MED23: variants seen among roughly 807,000 people sequenced by gnomAD.
MED23 encodes mediator complex subunit 23.
A neutral mutation model predicts 163.9 loss-of-function variants in MED23; 105 were observed. The ratio of observed to expected loss-of-function variants is 0.64; its 90% CI spans 0.55 to 0.75. MED23 has a LOEUF of 0.75. MED23 is among the 30% of genes least tolerant of loss of function. The pLI, the probability that MED23 is intolerant of heterozygous loss-of-function variation, is 0.00. For synonymous variants in MED23, 561 were observed against 565.6 expected (o/e 0.99, Z 0.12); for missense variants, 1,054 against 1,649.0 (o/e 0.64, Z 6.25).
At position 131,627,675 on chromosome 6, in the gene MED23, G is replaced by GC. The variant is rs1777611961; in HGVS notation, c.40-4_40-3insG. 7.3e-7 allele frequency: 1 copy of GC among 1,377,084 alleles called. No individual in the cohort carries two copies. The highest frequency in any genetic ancestry group is 2.1e-5 in the Admixed American group (1 of 46,796). 85.3% of individuals were successfully genotyped at this position (1,377,084 alleles called of 1,614,324 possible). On this transcript the variant is annotated splice_region_variant and splice_polypyrimidine_tract_variant and intron_variant, in intron 1 of 28. Transcript: ENST00000368068. ...GCCTCTTCTATAACTTCCGTTTTCT[G>GC]TAAAAAAAAAAAAAACAAAATGTAA...
At position 131,619,888 on chromosome 6, in the gene MED23, T is replaced by C; in HGVS notation, c.606A>G (p.Gly202=). The C allele has an allele frequency of 6.2e-7, 1 of 1,608,494 alleles. No homozygotes were observed. The highest frequency in any genetic ancestry group is 8.5e-7 in the Non-Finnish European group (1 of 1,175,556). The part of the protein sequence containing the change: ...PEGKLPHWLL[G]NLVSDFVDTF... ...TATCCACAAAGTCTGATACTAGGTT[T>C]CCAAGTAACTAAAGAGAGAAAGAAA... The change falls in exon 8 of 29, where the codon GGA becomes GGG. Residue 202 remains glycine (G), a synonymous_variant. Transcript: ENST00000368068.
intron 5 of MED23, among the ~76,000 whole-genome samples, chr6:131,622,831 A>G (rs1035217192): frequency 6.6e-6 from 1 of 152,226 alleles, no homozygotes; most frequent in African/African-American, 2.4e-5. Context: ...GACAATAACA[A>G]AAGTCTCCTG....
At chr6:131,622,353 G>C (rs1008695103) in intron 5 of MED23, among the ~76,000 whole-genome samples, 3 of 152,128 alleles carry the variant, frequency 2.0e-5, no homozygotes, top group Non-Finnish European at 4.4e-5. Context: ...CAAACTTTTT[G>C]GTAGAGGACT....
intron 22 of MED23, 128 bp downstream of exon 22, chr6:131,595,819 T>C (rs1309523292): frequency 5.5e-6 from 4 of 723,512 alleles, no homozygotes; most frequent in Middle Eastern, 3.8e-4. Flanking sequence ...ATAGTACTTA[T>C]CCTCAAAACA....
intron 10 of MED23, among the ~76,000 whole-genome samples, chr6:131,611,279 A>C (rs1776260036): frequency 6.6e-6 from 1 of 152,198 alleles, no homozygotes; most frequent in African/African-American, 2.4e-5. Context: ...CATAATGAAT[A>C]GCATCCCCTC....
chr6:131,583,058 A>G (rs2114547605), downstream of MED23: 1 of 1,605,090 alleles, frequency 6.2e-7, no homozygotes. Flanking sequence ...TCTCTTTTAT[A>G]GCTACATTTT....
chr6:131,618,411 T>G lies in MED23; in HGVS notation c.776A>C (p.Asp259Ala), dbSNP rs750599954. 7.5e-6 allele frequency: 12 copies of G among 1,609,216 alleles called. No homozygotes were observed. In the African/African-American group the frequency reaches 1.3e-4, roughly 18 times the overall value. Residue 259 changes from aspartate to alanine, a missense_variant, in exon 9 of 29, where the codon GAT (aspartate) becomes GCT (alanine). By Grantham distance (126) the Asp-to-Ala change is moderately radical (BLOSUM62 -2). This residue lies in a region of MED23 where 54 missense variants were observed against 79.7 expected (regional missense o/e 0.68). Coordinates refer to ENST00000368068, the MANE Select transcript of MED23 (RefSeq NM_004830.4). ...CCATTATATTTAGCAACATACCTTA[T>G]CATATGGCAAAAGGCCTTTCAAAGG... ...RFPLKGLLPY[D>A]KDLFEPQTAL...
chr6:131,622,055 G>T, intron 5 of MED23, 76 bp from the exon 6 acceptor site: 1 of 1,028,562 alleles, frequency 9.7e-7, no homozygotes, highest in Non-Finnish European at 1.5e-6. Flanking sequence ...AAGGTTTCAG[G>T]GTGATATATT....
At chr6:131,619,954 C>T (rs1358210306) in intron 7 of MED23, 58 bp from the exon 8 acceptor site, 3 of 1,029,988 alleles carry the variant, frequency 2.9e-6, no homozygotes, top group Non-Finnish European at 4.6e-6. Flanking sequence ...AAAATTGAGA[C>T]TGCCCCTGAA....
At position 131,620,688 on chromosome 6, in the gene MED23, T is replaced by G. The variant is rs779648930; in HGVS notation, c.537A>C (p.Pro179=). 5.6e-6 allele frequency: 9 copies of G among 1,613,554 alleles called. No homozygotes were observed. The highest frequency in any genetic ancestry group is 7.6e-6 in the Non-Finnish European group (9 of 1,179,722). Residue 179 remains proline, a synonymous_variant, in exon 7 of 29, where the codon CCA becomes CCC. Coordinates refer to ENST00000368068, the MANE Select transcript of MED23 (RefSeq NM_004830.4). ...YILERNACLL[P]AYFAVTEIRK... is the part of the protein sequence containing the mutation. Reference sequence around the variant, plus strand: ...TGATCTCAGTGACTGCAAAATAGGCTGGTAATAAGCAGGCATTTCTTTCCA... The same window carrying G: ...TGATCTCAGTGACTGCAAAATAGGCGGGTAATAAGCAGGCATTTCTTTCCA...
chr6:131,598,855 C>A lies in MED23; in HGVS notation c.2221-94G>T. The A allele has an allele frequency of 8.5e-7, 1 of 1,181,742 alleles. No homozygotes were observed. The highest frequency in any genetic ancestry group is 1.3e-5 in the South Asian group (1 of 78,784). The allele number at this position is 1,181,742 out of a possible 1,614,324, so 73.2% of individuals were successfully genotyped here. Reference sequence around the variant, plus strand: ...ACCAGTTCTAGACTTGATTCTGACACTAATAAACTCTAGGTCACCTTGAGC... The same window carrying A: ...ACCAGTTCTAGACTTGATTCTGACAATAATAAACTCTAGGTCACCTTGAGC... On this transcript the variant is annotated intron_variant, in intron 18 of 28. Coordinates refer to ENST00000368068, the MANE Select transcript of MED23 (RefSeq NM_004830.4). This position sits in a 1 kb window ranked among gnomAD's most constrained non-coding sequence, Gnocchi z 4.7.
chr6:131,627,765 A>T (rs1312764232), intron 1 of MED23, 93 bp from the exon 2 acceptor site: 1 of 1,231,172 alleles, frequency 8.1e-7, no homozygotes, highest in Non-Finnish European at 1.2e-6. Flanking sequence ...AGGGCAAGTC[A>T]CCTTAATCAG....
downstream of MED23, chr6:131,583,115 C>G (rs896852725): frequency 1.2e-6 from 2 of 1,613,922 alleles, no homozygotes; most frequent in Non-Finnish European, 1.7e-6. Flanking sequence ...AGTGGACAGA[C>G]TAGGAATTGG....
At chr6:131,600,567 T>A (rs763973127) in intron 17 of MED23, among the ~76,000 whole-genome samples, 1 of 152,230 alleles carries the variant, frequency 6.6e-6, no homozygotes, top group Non-Finnish European at 1.5e-5. Context: ...TGTATAAATC[T>A]CAGAATTGAA....
chr6:131,583,941 A>C, downstream of MED23: 3 of 1,604,620 alleles, frequency 1.9e-6, no homozygotes, highest in Non-Finnish European at 2.6e-6. Context: ...TCTCATAGTT[A>C]ATGGCATAAT....
chr6:131,610,163 C>T lies in MED23; in HGVS notation c.960G>A (p.Lys320=), dbSNP rs777326333. 1.2e-6 allele frequency: 2 copies of T among 1,614,074 alleles called. No individual in the cohort carries two copies. The highest frequency in any genetic ancestry group is 1.1e-5 in the South Asian group (1 of 91,086). Residue 320 remains lysine, a synonymous_variant, in exon 11 of 29, where the codon AAG becomes AAA. Coordinates refer to ENST00000368068, the MANE Select transcript of MED23 (RefSeq NM_004830.4). The part of the protein sequence containing the change: ...YAMERSETEE[K]FDDGGTSQLL... Reference sequence around the variant, plus strand: ...GTTGGCTTGTTCCCCCATCGTCAAACTTCTCCTCGGTCTCAGATCGCTCCA... The same window carrying T: ...GTTGGCTTGTTCCCCCATCGTCAAATTTCTCCTCGGTCTCAGATCGCTCCA...
At chr6:131,622,220 T>C (rs1246994829) in intron 5 of MED23, among the ~76,000 whole-genome samples, 1 of 152,242 alleles carries the variant, frequency 6.6e-6, no homozygotes, top group African/African-American at 2.4e-5. Context: ...TCAAGCTTTT[T>C]TGGCCCTCAT....
At chr6:131,578,692 TA>T (rs1773754534) in intron 30 of MED23, among the ~76,000 whole-genome samples, 1 of 152,208 alleles carries the variant, frequency 6.6e-6, no homozygotes. Context: ...TGAGAATACA[TA>T]TATATACCGA....
intron 30 of MED23, among the ~76,000 whole-genome samples, chr6:131,580,530 T>G (rs1160665717): frequency 2.0e-5 from 3 of 152,190 alleles, no homozygotes; most frequent in Non-Finnish European, 4.4e-5. Context: ...CCGCAATACT[T>G]TTGCACCAAC....
Sources: allele counts gnomAD v4.1 joint callset (sites outside exome capture counted in the v4.1 genomes callset), GRCh38; gene constraint gnomAD v4.1.1; regional missense constraint gnomAD v4.1.1; non-coding constraint Gnocchi (gnomAD v3.1); transcripts MANE v1.5; gene names NCBI Gene and HGNC (gene_info 2026-07-23, HGNC 2026-07-21).